Variants in MSL1 observed in about 807,000 individuals in gnomAD.
MSL1 encodes the protein male-specific lethal 1 homolog.
A neutral mutation model predicts 64.6 loss-of-function variants in MSL1; 21 were observed. That is an observed-to-expected ratio of 0.33 (90% CI 0.23 to 0.47). The LOEUF (loss-of-function observed/expected upper bound fraction) is 0.47, where lower values mean the gene tolerates loss of function less well. Ranked by LOEUF, MSL1 falls within the 20% of genes least tolerant of loss-of-function variation. The pLI is 1.00. For missense variants in MSL1, 664 were observed against 793.2 expected (o/e 0.84, Z 1.96); for synonymous variants, 339 against 329.6 (o/e 1.03, Z -0.31).
At chr17:40,130,629 G>C (rs1379346457) in intron 3 of MSL1, among the ~76,000 whole-genome samples, 1 of 152,166 alleles carries the variant, frequency 6.6e-6, no homozygotes, top group Non-Finnish European at 1.5e-5. Flanking sequence ...TTGTTTGGCT[G>C]TTCTGGTGAC....
In MSL1 at chr17:40,122,632, T is replaced by C. The variant is rs1282300572; in HGVS notation, c.20T>C (p.Val7Ala). The change falls in exon 1 of 9, where the codon GTG (valine) becomes GCG (alanine). Residue 7 changes from valine to alanine, a missense_variant. Transcript: ENST00000398532. The surrounding 1 kb of genome is among the most constrained non-coding windows in gnomAD (Gnocchi z 4.2). The part of the protein sequence containing the change: MTMRSA[V>A]FKAAAAPAGG... ...ACCACTATGACCATGAGATCCGCGGTGTTCAAGGCGGCCGCGGCCCCTGCC... is the reference window on the plus strand; with the variant it reads ...ACCACTATGACCATGAGATCCGCGGCGTTCAAGGCGGCCGCGGCCCCTGCC... 7.0e-7 allele frequency: 1 copy of C among 1,425,232 alleles called. No individual in the cohort carries two copies. The allele number at this position is 1,425,232 out of a possible 1,614,324, so 88.3% of individuals were successfully genotyped here. A position where few individuals can be genotyped will look rare whatever the true frequency, so the allele number is the denominator to read the frequency against.
Position 40,123,293 on chromosome 17 carries a change from G to T in MSL1, c.681G>T (p.Leu227=). Residue 227 remains leucine, a synonymous_variant, in exon 1 of 9, where the codon CTG becomes CTT. Coordinates refer to ENST00000398532, the MANE Select transcript of MSL1 (RefSeq NM_001365919.1). ...CCGCCTGCCTCAAACAGATCCTTCT[G>T]CTGCAATTGGACCTCATCGAACAGC... ...SQAACLKQIL[L]LQLDLIEQQQ... is the part of the protein sequence containing the mutation. The T allele has an allele frequency of 6.5e-7, 1 of 1,536,092 alleles. No homozygotes were observed.
rs1482873935 is a variant in MSL1 at position 40,136,867 on chromosome 17, AAG to A, written c.*2500_*2501del. ...GCTTGTATATTTGAAACATTGGAAAAAGAAATCCATTTTCTCAATAAAAAAGA... is the reference window on the plus strand; with the variant it reads ...GCTTGTATATTTGAAACATTGGAAAAAAATCCATTTTCTCAATAAAAAAGA... On this transcript the variant is annotated 3_prime_UTR_variant, in exon 9 of 9. Transcript: ENST00000398532. The A allele has an allele frequency of 2.6e-5, 4 of 152,366 alleles. No individual in the cohort carries two copies. Among genetic ancestry groups the A allele is most frequent in the Non-Finnish European group, 5.9e-5 (4 of 68,044 alleles). 9.4% of individuals were successfully genotyped at this position (152,366 alleles called of 1,614,324 possible).
At position 40,129,297 on chromosome 17, in the gene MSL1, C is replaced by G; in HGVS notation, c.1045C>G (p.Pro349Ala). Residue 349 changes from proline to alanine, a missense_variant, in exon 3 of 9, where the codon CCT becomes GCT. Transcript: ENST00000398532. ...AAAGACTCCTGTTAAAAAGCTGGCT[C>G]CTGAATTTTCAAAAGTCAAAACAAA... ...ERKTPVKKLA[P>A]EFSKVKTKTP... 3 of 1,581,000 alleles carry G rather than the reference C, an allele frequency of 1.9e-6. No homozygotes were observed. The highest frequency in any genetic ancestry group is 1.7e-6 in the Non-Finnish European group (2 of 1,171,148).
At chr17:40,132,531 G>A (rs1373526219) in intron 5 of MSL1, among the ~76,000 whole-genome samples, 9 of 152,024 alleles carry the variant, frequency 5.9e-5, no homozygotes, top group African/African-American at 4.8e-5. Flanking sequence ...CCAGCTACTC[G>A]GGAGGCTGAG....
chr17:40,126,697 A>G (rs929826983), intron 2 of MSL1: 20 of 284,142 alleles, frequency 7.0e-5, no homozygotes, highest in Admixed American at 4.8e-5. Context: ...AGTCCCAGCT[A>G]CTCGGGAGGC....
intron 7 of MSL1, 67 bp downstream of exon 7, chr17:40,133,725 C>A (rs1223357565): frequency 5.0e-6 from 8 of 1,610,822 alleles, no homozygotes; most frequent in Non-Finnish European, 6.8e-6. Flanking sequence ...CTCCAGGGTA[C>A]AACTTGCTCT....
At chr17:40,133,450 A>G in intron 6 of MSL1, 84 bp from the exon 7 acceptor site, 1 of 1,501,146 alleles carries the variant, frequency 6.7e-7, no homozygotes, top group Non-Finnish European at 8.9e-7. Flanking sequence ...TAGCATCTGG[A>G]TTGTGTGAGT....
chr17:40,132,966 G>T, intron 5 of MSL1, 76 bp from the exon 6 acceptor site: 1 of 1,389,640 alleles, frequency 7.2e-7, no homozygotes, highest in Non-Finnish European at 1.0e-6. Context: ...GTTCCTGGAA[G>T]CTGGAAATTA....
rs1180708902 is a variant in MSL1 at position 40,136,592 on chromosome 17, T to A, written c.*2223T>A. 1 of 152,384 alleles carries A rather than the reference T, an allele frequency of 6.6e-6. No homozygotes were observed. Among genetic ancestry groups the A allele is most frequent in the Admixed American group, 6.5e-5 (1 of 15,276 alleles). 9.4% of individuals were successfully genotyped at this position (152,384 alleles called of 1,614,324 possible). ...CTAAAACATAGTTGTTTGTTTTTCTTTAACAAAGTTTAAGCTAGTGTTAAT... is the reference window on the plus strand; with the variant it reads ...CTAAAACATAGTTGTTTGTTTTTCTATAACAAAGTTTAAGCTAGTGTTAAT... On this transcript the variant is annotated 3_prime_UTR_variant, in exon 9 of 9. Coordinates refer to ENST00000398532, the MANE Select transcript of MSL1 (RefSeq NM_001365919.1).
At chr17:40,128,570 C>T (rs1204229598) in intron 2 of MSL1, among the ~76,000 whole-genome samples, 3 of 150,614 alleles carry the variant, frequency 2.0e-5, no homozygotes, top group African/African-American at 4.9e-5. Flanking sequence ...TTAGTAGAGA[C>T]GGGGTTTCAC....
chr17:40,128,403 C>G (rs1188578853), intron 2 of MSL1, among the ~76,000 whole-genome samples: 3 of 128,978 alleles, frequency 2.3e-5, no homozygotes, highest in Admixed American at 8.4e-5. Flanking sequence ...GAGACAGAGT[C>G]TCACTCTGTC....
rs757545004 is a variant in MSL1, at chr17:40,129,545, G to C, written c.1293G>C (p.Met431Ile). ...TGCCGTACCTTTCCACCACAGAAATGTATTTGTGTCGTTGGCACCAGCCTC... is the reference window on the plus strand; with the variant it reads ...TGCCGTACCTTTCCACCACAGAAATCTATTTGTGTCGTTGGCACCAGCCTC... The part of the protein sequence containing the change: ...EDLPYLSTTE[M>I]YLCRWHQPPP... The change falls in exon 3 of 9, where the codon ATG becomes ATC. Residue 431 changes from methionine (M) to isoleucine (I), a missense_variant. By Grantham distance (10) the Met-to-Ile change is conservative. Coordinates refer to ENST00000398532, the MANE Select transcript of MSL1 (RefSeq NM_001365919.1). 1.9e-6 allele frequency: 3 copies of C among 1,613,836 alleles called. No individual in the cohort carries two copies. The highest frequency in any genetic ancestry group is 1.7e-5 in the Admixed American group (1 of 60,008).
rs1438278394 is a variant in MSL1, at chr17:40,122,541, C to T, written c.-72C>T. ...CAAACTCCCCTCCCCCCCCTCAGTC[C>T]TCGACCCCCCGCACCTCGCCCCTTC... On this transcript the variant is annotated 5_prime_UTR_variant, in exon 1 of 9. Coordinates refer to ENST00000398532, the MANE Select transcript of MSL1 (RefSeq NM_001365919.1). The surrounding 1 kb of genome is among the most constrained non-coding windows in gnomAD (Gnocchi z 4.2). 46 of 922,188 alleles carry T rather than the reference C, an allele frequency of 5.0e-5. No homozygotes were observed. Among genetic ancestry groups the T allele is most frequent in the East Asian group, 6.7e-5 (2 of 29,996 alleles). The allele number at this position is 922,188 out of a possible 1,614,324, so 57.1% of individuals were successfully genotyped here.
Position 40,135,910 on chromosome 17 carries a change from C to T in MSL1, c.*1541C>T, listed in dbSNP as rs184475273. 1 of 152,154 alleles carries T rather than the reference C, an allele frequency of 6.6e-6. No homozygotes were observed. The highest frequency in any genetic ancestry group is 1.9e-4 in the East Asian group (1 of 5,320). 9.4% of individuals were successfully genotyped at this position (152,154 alleles called of 1,614,324 possible). A position where few individuals can be genotyped will look rare whatever the true frequency, so the allele number is the denominator to read the frequency against. ...CTCCATCTGCTTAGGAGAGTGGGCTCTCTATAAGGGAACCTGCTGTAAACT... is the reference window on the plus strand; with the variant it reads ...CTCCATCTGCTTAGGAGAGTGGGCTTTCTATAAGGGAACCTGCTGTAAACT... On this transcript the variant is annotated 3_prime_UTR_variant, in exon 9 of 9. Transcript: ENST00000398532.
At chr17:40,128,799 T>G (rs2145132222) in intron 2 of MSL1, among the ~76,000 whole-genome samples, 1 of 151,872 alleles carries the variant, frequency 6.6e-6, no homozygotes, top group Admixed American at 6.6e-5. Context: ...TCACCTGAGG[T>G]CAGGTATTTG....
At chr17:40,124,099 G>A (rs527507693) in intron 1 of MSL1, among the ~76,000 whole-genome samples, 1 of 152,196 alleles carries the variant, frequency 6.6e-6, no homozygotes, top group East Asian at 1.9e-4. Flanking sequence ...AGAATCTTAG[G>A]GAGTAGGAAA....
In MSL1 at chr17:40,126,388, G is replaced by C. The variant is rs748472829; in HGVS notation, c.974G>C (p.Ser325Thr). 6.2e-7 allele frequency: 1 copy of C among 1,614,048 alleles called. No homozygotes were observed. Among genetic ancestry groups the C allele is most frequent in the Admixed American group, 1.7e-5 (1 of 60,022 alleles). ...CCCAAGCCCTTCTCATGTGGGCGGA[G>C]TGGAAAGGGACATAAAAGGTGTGCT... ...LPPKPFSCGR[S>T]GKGHKRKSPF... is the part of the protein sequence containing the mutation. The change falls in exon 2 of 9, where the codon AGT becomes ACT. Residue 325 changes from serine to threonine, a missense_variant. By Grantham distance (58) the Ser-to-Thr change is moderately conservative. This residue lies in a region of MSL1 where 466 missense variants were observed against 499.0 expected (regional missense o/e 0.93). Coordinates refer to ENST00000398532, the MANE Select transcript of MSL1 (RefSeq NM_001365919.1).
intron 3 of MSL1, chr17:40,130,084 G>C (rs1988409584): frequency 6.5e-6 from 1 of 153,514 alleles, no homozygotes; most frequent in Non-Finnish European, 1.4e-5. Flanking sequence ...CTTGGGGTGG[G>C]GAATTTTCAC....
Sources: gnomAD v4.1 joint callset for allele counts (sites outside exome capture counted in the v4.1 genomes callset) on GRCh38, gnomAD v4.1.1 for gene constraint, gnomAD v4.1.1 regional missense constraint, Gnocchi (gnomAD v3.1) non-coding constraint, MANE v1.5 for transcripts, NCBI Gene and HGNC (gene_info 2026-07-23, HGNC 2026-07-21) for gene names.